The following ZNF407 variants were observed in gnomAD, a reference collection of about 807,000 sequenced individuals.
ZNF407 encodes the protein zinc finger protein 407.
A neutral mutation model predicts 131.2 loss-of-function variants in ZNF407; 17 were observed. The observed-to-expected ratio is 0.13, with a 90% CI of 0.09 to 0.19. The LOEUF (loss-of-function observed/expected upper bound fraction) is 0.19. Ranked by LOEUF, ZNF407 falls within the 10% of genes least tolerant of loss-of-function variation. The probability of loss-of-function intolerance (pLI) is 1.00; values close to 1 mark genes in which losing one functional copy is unlikely to be tolerated. For synonymous variants in ZNF407, 1,156 were observed against 1,062.0 expected, an observed-to-expected ratio of 1.09 and a Z score of -1.72; for missense variants, 2,681 against 2,830.6, an observed-to-expected ratio of 0.95 and a Z score of 1.20.
intron 3 of ZNF407, among the ~76,000 whole-genome samples, chr18:74,676,473 GTC>G (rs1986369413): frequency 7.1e-6 from 1 of 141,220 alleles, no homozygotes; most frequent in Non-Finnish European, 1.5e-5. Context: ...GTCTCGCTCT[GTC>G]ACCCAGGCTG....
chr18:74,948,487 G>A (rs575933939), intron 8 of ZNF407, among the ~76,000 whole-genome samples: 4 of 152,126 alleles, frequency 2.6e-5, no homozygotes, highest in Non-Finnish European at 5.9e-5. Context: ...CATCAGCTTT[G>A]CAGTTTCGAT....
chr18:74,768,083 C>A (rs1013094805), intron 3 of ZNF407, among the ~76,000 whole-genome samples: 1 of 152,026 alleles, frequency 6.6e-6, no homozygotes, highest in Non-Finnish European at 1.5e-5. Flanking sequence ...TTGAATATAC[C>A]TATTTGCCAA....
rs576063893 is a variant in ZNF407, at chr18:74,850,146, A to G, written c.4878-27051A>G. On this transcript the variant is annotated intron_variant, in intron 4 of 8. Transcript: ENST00000299687. ...AAATTTTAAAAACACTGAACACTAC[A>G]AATATTTACCATTTTTGCACTTTTA... Among the ~76,000 whole-genome samples the G allele has an allele frequency of 3.2e-3, 489 of 152,358 alleles. 4 individuals are homozygous for G. Among genetic ancestry groups the G allele is most frequent in the Admixed American group, 5.0e-3 (77 of 15,308 alleles).
chr18:74,834,369 T>G (rs1270005346), intron 4 of ZNF407, among the ~76,000 whole-genome samples: 3 of 152,234 alleles, frequency 2.0e-5, no homozygotes, highest in Non-Finnish European at 2.9e-5. Flanking sequence ...TGGGATGATC[T>G]GGGTATGAAG....
At chr18:74,676,468 G>T (rs1398813250) in intron 3 of ZNF407, among the ~76,000 whole-genome samples, 5 of 141,620 alleles carry the variant, frequency 3.5e-5, no homozygotes, top group Admixed American at 7.4e-5. Flanking sequence ...ACGGAGTCTC[G>T]CTCTGTCACC....
At chr18:75,036,894 T>A (rs1445003649) in intron 8 of ZNF407, among the ~76,000 whole-genome samples, 1 of 152,256 alleles carries the variant, frequency 6.6e-6, no homozygotes. Context: ...TCCACTCTTT[T>A]GGGGTTGCTG....
intron 7 of ZNF407, among the ~76,000 whole-genome samples, chr18:74,916,250 T>A (rs1395667387): frequency 8.4e-6 from 1 of 118,452 alleles, no homozygotes; most frequent in African/African-American, 4.1e-5. Context: ...GGTGAAGTTG[T>A]GTGAAGCATT....
intron 8 of ZNF407, among the ~76,000 whole-genome samples, chr18:75,034,872 A>G (rs1374267554): frequency 6.6e-6 from 1 of 152,196 alleles, no homozygotes; most frequent in African/African-American, 2.4e-5. Context: ...GTTAATGTAT[A>G]CACTTTAGAT....
chr18:75,027,559 T>G lies in ZNF407; in HGVS notation c.5429-35591T>G, dbSNP rs995679393. Among the ~76,000 whole-genome samples the G allele has an allele frequency of 1.8e-4, 27 of 152,042 alleles. No individual in the cohort carries two copies. In the East Asian group the frequency reaches 4.5e-3, roughly 25 times the overall value. ...TTGTTAGTGGGTTGGATATGGAAGG[T>G]AGGGAGGGAGCATTGGTCAATGAGG... On this transcript the variant is annotated intron_variant, in intron 8 of 8. Transcript: ENST00000299687.
At chr18:74,745,888 A>G (rs1318319166) in intron 3 of ZNF407, among the ~76,000 whole-genome samples, 1 of 152,158 alleles carries the variant, frequency 6.6e-6, no homozygotes, top group Non-Finnish European at 1.5e-5. Context: ...GTCTGTGTAT[A>G]GCAGCCTGGG....
intron 4 of ZNF407, among the ~76,000 whole-genome samples, chr18:74,850,607 A>G (rs1970768596): frequency 6.6e-6 from 1 of 152,204 alleles, no homozygotes. Context: ...AAACTTGATT[A>G]CTTATACTCT....
chr18:74,970,783 C>T (rs1378657726), intron 8 of ZNF407, among the ~76,000 whole-genome samples: 4 of 152,196 alleles, frequency 2.6e-5, no homozygotes, highest in African/African-American at 7.2e-5. Flanking sequence ...GGATGGTGGT[C>T]CTCTTCTCAC....
intron 4 of ZNF407, among the ~76,000 whole-genome samples, chr18:74,794,140 C>T (rs544743863): frequency 7.2e-5 from 11 of 152,294 alleles, no homozygotes; most frequent in South Asian, 2.1e-4. Flanking sequence ...GTTTTCTCTC[C>T]GGGTGAGAAC....
At chr18:74,652,084 C>T (rs1439942403) in intron 3 of ZNF407, among the ~76,000 whole-genome samples, 2 of 152,214 alleles carry the variant, frequency 1.3e-5, no homozygotes, top group East Asian at 1.9e-4. Flanking sequence ...TCAAGTAGAG[C>T]AGCTTTTCCA....
intron 3 of ZNF407, among the ~76,000 whole-genome samples, chr18:74,663,277 A>G (rs1985791118): frequency 1.3e-5 from 2 of 152,168 alleles, no homozygotes; most frequent in African/African-American, 2.4e-5. Flanking sequence ...CTAAAACCAA[A>G]TAACACTTCT....
At chr18:74,869,127 T>C (rs903527479) in intron 4 of ZNF407, among the ~76,000 whole-genome samples, 1 of 152,230 alleles carries the variant, frequency 6.6e-6, no homozygotes, top group Non-Finnish European at 1.5e-5. Context: ...TTTATCTTTT[T>C]AGCTCAAATT....
intron 3 of ZNF407, among the ~76,000 whole-genome samples, chr18:74,768,375 G>A (rs1969288777): frequency 6.6e-6 from 1 of 152,186 alleles, no homozygotes. Context: ...TGTGATCGTA[G>A]TGTCAATTTA....
chr18:74,752,123 G>GTGATGA (rs1968819253), intron 3 of ZNF407, among the ~76,000 whole-genome samples: 1 of 152,224 alleles, frequency 6.6e-6, no homozygotes, highest in Non-Finnish European at 1.5e-5. Flanking sequence ...CTGATGGCCA[G>GTGATGA]TGATGATGAG....
At chr18:74,811,767 T>G (rs1166197366) in intron 4 of ZNF407, among the ~76,000 whole-genome samples, 3 of 151,930 alleles carry the variant, frequency 2.0e-5, no homozygotes, top group African/African-American at 7.3e-5. Context: ...AGTAAACTAT[T>G]GCAAGAGCAA....
Sources: allele counts gnomAD v4.1 joint callset (sites outside exome capture counted in the v4.1 genomes callset), GRCh38; gene constraint gnomAD v4.1.1; transcripts MANE v1.5; gene names NCBI Gene and HGNC (gene_info 2026-07-23, HGNC 2026-07-21).